Variants in INTS7 observed in about 807,000 individuals in gnomAD.
The protein encoded by INTS7 is chromosome 1 open reading frame 73.
INTS7 carries 46 observed loss-of-function variants against 109.2 expected under a neutral mutation model. The ratio of observed to expected loss-of-function variants is 0.42; its 90% CI spans 0.33 to 0.54. The LOEUF (loss-of-function observed/expected upper bound fraction) is 0.54, where lower values mean the gene tolerates loss of function less well. Ranked by LOEUF, INTS7 falls within the 20% of genes least tolerant of loss-of-function variation. The pLI, the probability that INTS7 is intolerant of heterozygous loss-of-function variation, is 0.07. For missense variants in INTS7, 929 were observed against 1,132.4 expected, an observed-to-expected ratio of 0.82 and a Z score of 2.58; for synonymous variants, 412 against 402.9, an observed-to-expected ratio of 1.02 and a Z score of -0.27.
chr1:212,035,523 T>G lies in INTS7; in HGVS notation c.-86A>C. 1 of 1,074,506 alleles carries G rather than the reference T, an allele frequency of 9.3e-7. No homozygotes were observed. The highest frequency in any genetic ancestry group is 2.4e-5 in the East Asian group (1 of 42,294). 66.6% of individuals were successfully genotyped at this position (1,074,506 alleles called of 1,614,324 possible). A position where few individuals can be genotyped will look rare whatever the true frequency, so the allele number is the denominator to read the frequency against. On this transcript the variant is annotated 5_prime_UTR_variant, in exon 1 of 20. Transcript: ENST00000366994. Reference sequence around the variant, plus strand: ...CCATCTTCCCCCGCCGCCTTCTTGCTGGTTTTTCTTCCGCGCGCTGTCAAG... The same window carrying G: ...CCATCTTCCCCCGCCGCCTTCTTGCGGGTTTTTCTTCCGCGCGCTGTCAAG...
chr1:211,944,680 G>T, intron 19 of INTS7, 104 bp downstream of exon 19: 1 of 901,384 alleles, frequency 1.1e-6, no homozygotes. Context: ...TGATCCCTTT[G>T]GAGGTATAAC....
In INTS7 at chr1:211,987,904, A is replaced by C; in HGVS notation, c.979T>G (p.Tyr327Asp). ...TLSGTIAIKH[Y>D]FSIVPGNVSS... Reference sequence around the variant, plus strand: ...TCCTTACCTGGAACTATACTGAAGTAATGTTTGATGGCGATGGTCCCTGAT... The same window carrying C: ...TCCTTACCTGGAACTATACTGAAGTCATGTTTGATGGCGATGGTCCCTGAT... Residue 327 changes from tyrosine to aspartate, a missense_variant, in exon 8 of 20, where the codon TAC becomes GAC. This residue lies in a region of INTS7 where 787 missense variants were observed against 901.1 expected (regional missense o/e 0.87). Coordinates refer to ENST00000366994, the MANE Select transcript of INTS7 (RefSeq NM_015434.4). 1 of 1,590,320 alleles carries C rather than the reference A, an allele frequency of 6.3e-7. No individual in the cohort carries two copies. Among genetic ancestry groups the C allele is most frequent in the Non-Finnish European group, 8.6e-7 (1 of 1,158,740 alleles).
chr1:211,988,121 T>C (rs1461988898), intron 7 of INTS7, 118 bp from the exon 8 acceptor site: 6 of 542,404 alleles, frequency 1.1e-5, no homozygotes, highest in South Asian at 2.9e-5. Flanking sequence ...CTTTTTTTCA[T>C]GTTAAAAAAC....
At chr1:211,968,052 C>CA (rs958446246) in intron 14 of INTS7, 71 bp from the exon 15 acceptor site, 50 of 734,856 alleles carry the variant, frequency 6.8e-5, no homozygotes, top group Admixed American at 3.2e-4. Flanking sequence ...AAAACCAAAA[C>CA]AAAAAAAAGC....
intron 1 of INTS7, among the ~76,000 whole-genome samples, chr1:212,032,721 C>T (rs1485192978): frequency 2.6e-5 from 4 of 152,096 alleles, no homozygotes; most frequent in African/African-American, 9.7e-5. Flanking sequence ...CTTCGTGATC[C>T]GCCCGCCTCA....
intron 13 of INTS7, among the ~76,000 whole-genome samples, chr1:211,971,102 AG>A (rs1191047216): frequency 2.6e-5 from 4 of 152,200 alleles, no homozygotes; most frequent in Non-Finnish European, 5.9e-5. Flanking sequence ...GCCCTAGAGA[AG>A]GGTGTTTCTC....
chr1:211,975,500 C>A, intron 12 of INTS7, 128 bp from the exon 13 acceptor site: 2 of 660,816 alleles, frequency 3.0e-6, no homozygotes, highest in Non-Finnish European at 5.3e-6. Context: ...AATCATTCCT[C>A]ATATTATGTA....
At chr1:211,944,710 A>T in intron 19 of INTS7, 74 bp downstream of exon 19, 6 of 1,265,752 alleles carry the variant, frequency 4.7e-6, no homozygotes, top group Non-Finnish European at 6.9e-6. Context: ...TTTAACCATG[A>T]AAAACACTGG....
At chr1:212,026,767 A>G (rs1666942014) in intron 1 of INTS7, among the ~76,000 whole-genome samples, 1 of 152,226 alleles carries the variant, frequency 6.6e-6, no homozygotes. Context: ...TAGCTGAGTT[A>G]GATACAAAGG....
intron 18 of INTS7, among the ~76,000 whole-genome samples, chr1:211,945,579 T>G (rs182583491): frequency 1.6e-3 from 243 of 152,364 alleles, no homozygotes; most frequent in Middle Eastern, 3.4e-3. Context: ...GTTGTTGAAC[T>G]ACTGATCAAC....
intron 13 of INTS7, among the ~76,000 whole-genome samples, chr1:211,972,951 T>C (rs1664246955): frequency 6.6e-6 from 1 of 152,212 alleles, no homozygotes; most frequent in African/African-American, 2.4e-5. Flanking sequence ...AAGCCATGCC[T>C]GGACTACTAC....
chr1:211,945,183 C>A (rs1404665242), intron 18 of INTS7, among the ~76,000 whole-genome samples: 3 of 152,160 alleles, frequency 2.0e-5, no homozygotes. Flanking sequence ...AACCTCAGTT[C>A]TATTTGAGGA....
chr1:212,015,371 C>G (rs1035337740), intron 4 of INTS7, among the ~76,000 whole-genome samples: 1 of 152,114 alleles, frequency 6.6e-6, no homozygotes, highest in East Asian at 1.9e-4. Context: ...AAGAAAAATT[C>G]TTCTGCCTTG....
Position 212,020,114 on chromosome 1 carries a change from G to A in INTS7, c.371+8C>T. 1 of 1,570,312 alleles carries A rather than the reference G, an allele frequency of 6.4e-7. No homozygotes were observed. The highest frequency in any genetic ancestry group is 1.4e-5 in the African/African-American group (1 of 73,254). On this transcript the variant is annotated splice_region_variant and intron_variant, in intron 3 of 19. Transcript: ENST00000366994. ...TCTCATAGTGAATTATTATAATACG[G>A]TATATACCGGAGGGTGATGGCTCTT...
In INTS7 at chr1:212,020,096, G is replaced by A. The variant is rs1666626090; in HGVS notation, c.371+26C>T. 9 of 1,424,034 alleles carry A rather than the reference G, an allele frequency of 6.3e-6. No individual in the cohort carries two copies. In the East Asian group the frequency reaches 1.5e-4, roughly 24 times the overall value. 88.2% of individuals were successfully genotyped at this position (1,424,034 alleles called of 1,614,324 possible). ...TAATTACAGTTCAAATAATCTCATAGTGAATTATTATAATACGGTATATAC... is the reference window on the plus strand; with the variant it reads ...TAATTACAGTTCAAATAATCTCATAATGAATTATTATAATACGGTATATAC... On this transcript the variant is annotated intron_variant, in intron 3 of 19. Transcript: ENST00000366994.
In INTS7 at chr1:211,966,443, G is replaced by T; in HGVS notation, c.2170C>A (p.Pro724Thr). Reference protein sequence around the residue: ...SHAIEALILDPESASFQEYGS... With the variant: ...SHAIEALILDTESASFQEYGS... ...TATTAGAATTACCTTGCTGATTCTG[G>T]ATCCAAAATCAGGGCTTCTATTGCA... The change falls in exon 16 of 20, where the codon CCA becomes ACA. Residue 724 changes from proline (P) to threonine (T), a missense_variant. Coordinates refer to ENST00000366994, the MANE Select transcript of INTS7 (RefSeq NM_015434.4). 1 of 1,591,988 alleles carries T rather than the reference G, an allele frequency of 6.3e-7. No individual in the cohort carries two copies. The highest frequency in any genetic ancestry group is 1.3e-5 in the African/African-American group (1 of 74,590).
intron 15 of INTS7, among the ~76,000 whole-genome samples, chr1:211,967,612 C>T (rs1425270081): frequency 6.6e-6 from 1 of 152,030 alleles, no homozygotes; most frequent in Admixed American, 6.6e-5. Flanking sequence ...CAAGTGAGCA[C>T]AGGTAAGCAA....
At chr1:211,977,715 A>C (rs1484698197) in intron 11 of INTS7, among the ~76,000 whole-genome samples, 1 of 152,164 alleles carries the variant, frequency 6.6e-6, no homozygotes, top group Non-Finnish European at 1.5e-5. Flanking sequence ...TTTTCAACTA[A>C]ACATTTTATA....
chr1:211,967,628 G>A (rs996035501), intron 15 of INTS7, among the ~76,000 whole-genome samples: 6 of 152,102 alleles, frequency 3.9e-5, no homozygotes, highest in African/African-American at 1.4e-4. Context: ...AGCAACACTG[G>A]CTTTGGATGT....
Sources: gnomAD v4.1 joint callset for allele counts (sites outside exome capture counted in the v4.1 genomes callset) on GRCh38, gnomAD v4.1.1 for gene constraint, gnomAD v4.1.1 regional missense constraint, MANE v1.5 for transcripts, NCBI Gene and HGNC (gene_info 2026-07-23, HGNC 2026-07-21) for gene names.